The following ARL15 variants were observed in gnomAD, a reference collection of about 807,000 sequenced individuals.
The protein encoded by ARL15 is ARF like GTPase 15.
ARL15 carries 19 observed loss-of-function variants against 25.2 expected under a neutral mutation model. The ratio of observed to expected loss-of-function variants is 0.75; its 90% CI spans 0.53 to 1.10. ARL15 has a LOEUF of 1.10. Ranked by LOEUF, ARL15 falls within the 50% of genes least tolerant of loss-of-function variation. ARL15 has a pLI of 0.00. For missense variants in ARL15, 220 were observed against 246.0 expected, an observed-to-expected ratio of 0.89 and a Z score of 0.71; for synonymous variants, 94 against 86.8, an observed-to-expected ratio of 1.08 and a Z score of -0.46.
intron 1 of ARL15, among the ~76,000 whole-genome samples, chr5:54,244,221 A>C (rs1018468009): frequency 2.6e-5 from 4 of 152,210 alleles, no homozygotes; most frequent in Admixed American, 6.5e-5. Context: ...ACAAAAGAGA[A>C]ACACCCACTA....
At chr5:54,222,555 T>C (rs1034991970) in intron 1 of ARL15, among the ~76,000 whole-genome samples, 1 of 152,220 alleles carries the variant, frequency 6.6e-6, no homozygotes, top group East Asian at 1.9e-4. Flanking sequence ...ATGCTCGTCA[T>C]ACAAGCACGT....
At chr5:54,016,366 C>T (rs1031309318) in intron 4 of ARL15, among the ~76,000 whole-genome samples, 9 of 152,144 alleles carry the variant, frequency 5.9e-5, no homozygotes, top group South Asian at 4.1e-4. Context: ...GGCCATGGAA[C>T]GAGTGCAGGA....
intron 4 of ARL15, among the ~76,000 whole-genome samples, chr5:53,889,267 T>A (rs1164465951): frequency 6.6e-6 from 1 of 152,180 alleles, no homozygotes; most frequent in Non-Finnish European, 1.5e-5. Context: ...ATTAAAATAA[T>A]CACAAAGTAT....
At chr5:54,034,645 G>A (rs1182736550) in intron 4 of ARL15, among the ~76,000 whole-genome samples, 1 of 151,886 alleles carries the variant, frequency 6.6e-6, no homozygotes, top group Non-Finnish European at 1.5e-5. Flanking sequence ...AACTAATAAA[G>A]AAATACACTT....
chr5:54,201,463 C>T (rs922033803), intron 1 of ARL15, among the ~76,000 whole-genome samples: 2 of 152,122 alleles, frequency 1.3e-5, no homozygotes, highest in Non-Finnish European at 2.9e-5. Flanking sequence ...AAGAGCCTGG[C>T]TAAGTCAGTT....
intron 4 of ARL15, chr5:53,951,458 T>C (rs761493501): frequency 2.1e-6 from 1 of 468,656 alleles, no homozygotes; most frequent in Non-Finnish European, 4.4e-6. Flanking sequence ...TCTGTATTTA[T>C]CTTCTTGCAT....
At chr5:54,033,910 T>A (rs1308081808) in intron 4 of ARL15, among the ~76,000 whole-genome samples, 35 of 151,932 alleles carry the variant, frequency 2.3e-4, no homozygotes. Context: ...GCCTCCCGGG[T>A]TCACACCATT....
chr5:54,120,042 C>T (rs1446489906), intron 3 of ARL15, among the ~76,000 whole-genome samples: 10 of 152,144 alleles, frequency 6.6e-5, no homozygotes, highest in Admixed American at 1.3e-4. Context: ...GATTCATCAC[C>T]ATACTCTGAC....
intron 3 of ARL15, among the ~76,000 whole-genome samples, chr5:54,144,976 C>A (rs935045013): frequency 5.9e-5 from 9 of 152,118 alleles, no homozygotes; most frequent in African/African-American, 2.2e-4. Context: ...TCTTTTATTT[C>A]GTGTTTCCAT....
chr5:54,171,780 C>A lies in ARL15; in HGVS notation c.193+4G>T. On this transcript the variant is annotated splice_donor_region_variant and intron_variant, in intron 2 of 4. Transcript: ENST00000504924. ...AAGGGACAGAACCCCAGCACAGTAC[C>A]CACCTGTGGTCGACACGACGTTATC... 6.2e-7 allele frequency: 1 copy of A among 1,610,652 alleles called. No homozygotes were observed. The highest frequency in any genetic ancestry group is 8.5e-7 in the Non-Finnish European group (1 of 1,178,574).
intron 1 of ARL15, among the ~76,000 whole-genome samples, chr5:54,286,867 T>A (rs902681876): frequency 2.7e-5 from 3 of 110,652 alleles, no homozygotes; most frequent in African/African-American, 1.1e-4. Flanking sequence ...TTTGCAGGGC[T>A]TTTTTTTTTT....
At chr5:54,247,173 G>A (rs1757110729) in intron 1 of ARL15, among the ~76,000 whole-genome samples, 1 of 151,262 alleles carries the variant, frequency 6.6e-6, no homozygotes, top group African/African-American at 2.4e-5. Context: ...TCATGAAGAT[G>A]AATAATTTCC....
At chr5:54,011,769 G>A (rs1482642904) in intron 4 of ARL15, among the ~76,000 whole-genome samples, 1 of 152,136 alleles carries the variant, frequency 6.6e-6, no homozygotes, top group Non-Finnish European at 1.5e-5. Flanking sequence ...CCAGCACTTT[G>A]GGAAACCGAG....
chr5:54,282,814 T>C (rs529318251), intron 1 of ARL15, among the ~76,000 whole-genome samples: 1 of 152,296 alleles, frequency 6.6e-6, no homozygotes, highest in Admixed American at 6.5e-5. Flanking sequence ...GGCTAAATTT[T>C]GACAGAAGAC....
intron 1 of ARL15, among the ~76,000 whole-genome samples, chr5:54,264,161 A>G (rs1165483198): frequency 1.3e-5 from 2 of 152,024 alleles, no homozygotes; most frequent in African/African-American, 4.8e-5. Context: ...TGCTCAATAC[A>G]TCCTCCATTT....
At position 54,310,559 on chromosome 5, in the gene ARL15, G is replaced by T; in HGVS notation, c.-80C>A. The T allele has an allele frequency of 6.7e-7, 1 of 1,481,746 alleles. No homozygotes were observed. The highest frequency in any genetic ancestry group is 2.2e-5 in the Admixed American group (1 of 45,944). The allele number at this position is 1,481,746 out of a possible 1,614,324, so 91.8% of individuals were successfully genotyped here. A position where few individuals can be genotyped will look rare whatever the true frequency, so the allele number is the denominator to read the frequency against. On this transcript the variant is annotated 5_prime_UTR_variant, in exon 1 of 5. Transcript: ENST00000504924. ...CTCTGGCTGCGAGCGAGCAGCTCCT[G>T]AAAAAGCCAGCAACAGCGAAAATAG...
chr5:54,096,023 C>T (rs1011699954), intron 4 of ARL15, among the ~76,000 whole-genome samples: 6 of 152,096 alleles, frequency 3.9e-5, no homozygotes, highest in Admixed American at 3.9e-4. Flanking sequence ...GAAGTTGGAT[C>T]TTGCATAATT....
intron 4 of ARL15, among the ~76,000 whole-genome samples, chr5:54,105,160 T>A (rs2548404): frequency 1.8e-3 from 268 of 152,120 alleles, no homozygotes; most frequent in African/African-American, 6.2e-3. Flanking sequence ...CCTCGACAAA[T>A]GTTTTATTAA....
intron 3 of ARL15, among the ~76,000 whole-genome samples, chr5:54,119,195 T>C (rs554686609): frequency 1.3e-5 from 2 of 152,290 alleles, no homozygotes; most frequent in South Asian, 4.1e-4. Context: ...CTTCAAAAAT[T>C]AAGAGGTAGA....
Sources: gnomAD v4.1 joint callset for allele counts (sites outside exome capture counted in the v4.1 genomes callset) on GRCh38, gnomAD v4.1.1 for gene constraint, MANE v1.5 for transcripts, NCBI Gene and HGNC (gene_info 2026-07-23, HGNC 2026-07-21) for gene names.